The following ARHGEF33 variants were observed in gnomAD, a reference collection of about 807,000 sequenced individuals.
ARHGEF33 encodes the protein Rho guanine nucleotide exchange factor 33, also known as DH and coiled-coil domain-containing protein ENSP00000381780.
A neutral mutation model predicts 101.9 loss-of-function variants in ARHGEF33; 72 were observed. That is an observed-to-expected ratio of 0.71 (90% CI 0.58 to 0.86). The LOEUF (loss-of-function observed/expected upper bound fraction) is 0.86, where lower values mean the gene tolerates loss of function less well. Ranked by LOEUF, ARHGEF33 falls within the 40% of genes least tolerant of loss-of-function variation. ARHGEF33 has a pLI of 0.00. For missense variants in ARHGEF33, 1,169 were observed against 1,111.3 expected, an observed-to-expected ratio of 1.05 and a Z score of -0.74; for synonymous variants, 499 against 442.5, an observed-to-expected ratio of 1.13 and a Z score of -1.60.
rs1667171332 is a variant in ARHGEF33 at position 38,937,374 on chromosome 2, A to G, written c.605A>G (p.Lys202Arg). Residue 202 changes from lysine to arginine, a missense_variant, in exon 9 of 18, where the codon AAG (lysine) becomes AGG (arginine). Physicochemically the swap from Lys to Arg is conservative, Grantham distance 26. Transcript: ENST00000409978. ...PTTPEAEENL[K>R]SCLSADIQSK... ...ACTCCAGAAGCAGAAGAAAACCTCA[A>G]GTCTTGCCTCTCGGCTGATATCCAG... 4 of 1,368,990 alleles carry G rather than the reference A, an allele frequency of 2.9e-6. No homozygotes were observed. Among genetic ancestry groups the G allele is most frequent in the Non-Finnish European group, 3.9e-6 (4 of 1,035,854 alleles). The allele number at this position is 1,368,990 out of a possible 1,614,324, so 84.8% of individuals were successfully genotyped here. A position where few individuals can be genotyped will look rare whatever the true frequency, so the allele number is the denominator to read the frequency against.
intron 15 of ARHGEF33, 65 bp from the exon 16 acceptor site, chr2:38,959,776 A>C: frequency 5.6e-6 from 8 of 1,439,608 alleles, no homozygotes; most frequent in Non-Finnish European, 7.3e-6. Context: ...GGGCGCCGGC[A>C]GGCGAGAGGC....
chr2:38,897,194 G>A (rs1231845642), intron 2 of ARHGEF33, among the ~76,000 whole-genome samples: 3 of 152,154 alleles, frequency 2.0e-5, no homozygotes, highest in South Asian at 2.1e-4. Context: ...GATTACAGGC[G>A]TGAGCCACCA....
At chr2:38,972,569 G>A (rs576495833) in intron 17 of ARHGEF33, among the ~76,000 whole-genome samples, 14 of 152,306 alleles carry the variant, frequency 9.2e-5, no homozygotes, top group Non-Finnish European at 1.5e-4. Flanking sequence ...TACCTAGTCA[G>A]TCATCAGGTT....
At chr2:38,900,571 A>T (rs1488220103) in intron 2 of ARHGEF33, among the ~76,000 whole-genome samples, 3 of 152,180 alleles carry the variant, frequency 2.0e-5, no homozygotes, top group Non-Finnish European at 4.4e-5. Context: ...TCCAGTCACT[A>T]GCTGTTACAA....
At chr2:38,916,662 T>C (rs4670267) in intron 2 of ARHGEF33, among the ~76,000 whole-genome samples, 88,186 of 152,056 alleles carry the variant, frequency 0.58, 27,723 homozygotes, top group East Asian at 0.81. Context: ...TTTATAACCA[T>C]GTAGCTATTT....
At position 38,937,372 on chromosome 2, in the gene ARHGEF33, C is replaced by G; in HGVS notation, c.603C>G (p.Leu201=). 7.3e-7 allele frequency: 1 copy of G among 1,360,878 alleles called. No homozygotes were observed. Among genetic ancestry groups the G allele is most frequent in the Non-Finnish European group, 9.7e-7 (1 of 1,031,616 alleles). The allele number at this position is 1,360,878 out of a possible 1,614,324, so 84.3% of individuals were successfully genotyped here. The change falls in exon 9 of 18, where the codon CTC becomes CTG. Residue 201 remains leucine, a synonymous_variant. Coordinates refer to ENST00000409978, the MANE Select transcript of ARHGEF33 (RefSeq NM_001145451.5). Reference sequence around the variant, plus strand: ...CAACTCCAGAAGCAGAAGAAAACCTCAAGTCTTGCCTCTCGGCTGATATCC... The same window carrying G: ...CAACTCCAGAAGCAGAAGAAAACCTGAAGTCTTGCCTCTCGGCTGATATCC... ...NPTTPEAEEN[L]KSCLSADIQS... is the part of the protein sequence containing the mutation.
At chr2:38,963,279 C>T (rs1667986286) in intron 16 of ARHGEF33, among the ~76,000 whole-genome samples, 1 of 152,176 alleles carries the variant, frequency 6.6e-6, no homozygotes, top group African/African-American at 2.4e-5. Context: ...ATGTGCAAAA[C>T]TCCTAGTGTT....
chr2:38,904,730 A>G (rs1197529188), intron 2 of ARHGEF33, among the ~76,000 whole-genome samples: 1 of 151,670 alleles, frequency 6.6e-6, no homozygotes, highest in Non-Finnish European at 1.5e-5. Context: ...AAAGGAAAAG[A>G]AGAAAAAGAA....
intron 16 of ARHGEF33, among the ~76,000 whole-genome samples, chr2:38,965,509 C>A (rs1012540486): frequency 6.6e-6 from 1 of 152,184 alleles, no homozygotes; most frequent in African/African-American, 2.4e-5. Flanking sequence ...AAAATGCCTT[C>A]CCTCGATTAT....
At chr2:38,906,422 C>T (rs1032814030) in intron 2 of ARHGEF33, among the ~76,000 whole-genome samples, 1 of 152,146 alleles carries the variant, frequency 6.6e-6, no homozygotes, top group Non-Finnish European at 1.5e-5. Context: ...CCAGCATGTT[C>T]TGGTCTCCTT....
intron 2 of ARHGEF33, among the ~76,000 whole-genome samples, chr2:38,904,763 T>C (rs111517129): frequency 1.4e-4 from 22 of 151,738 alleles, no homozygotes; most frequent in African/African-American, 5.1e-4. Flanking sequence ...ATTGCAGTTT[T>C]TGAGCAGGAA....
In ARHGEF33 at chr2:38,973,866, C is replaced by A; in HGVS notation, c.*23C>A. 1.3e-6 allele frequency: 2 copies of A among 1,531,076 alleles called. No homozygotes were observed. Among genetic ancestry groups the A allele is most frequent in the South Asian group, 2.5e-5 (2 of 81,570 alleles). The allele number at this position is 1,531,076 out of a possible 1,614,324, so 94.8% of individuals were successfully genotyped here. On this transcript the variant is annotated 3_prime_UTR_variant, in exon 18 of 18. Coordinates refer to ENST00000409978, the MANE Select transcript of ARHGEF33 (RefSeq NM_001145451.5). ...TAAAACATACTTAAAGTTGTATTGT[C>A]AAGTGGTAAGATGAGGATAAAAAGC...
At chr2:38,960,843 G>C (rs1217809282) in intron 16 of ARHGEF33, among the ~76,000 whole-genome samples, 195 bp downstream of exon 16, 2 of 152,144 alleles carry the variant, frequency 1.3e-5, no homozygotes, top group Non-Finnish European at 2.9e-5. Flanking sequence ...TAGGCTGCTG[G>C]GCCCTGGAAG....
chr2:38,891,617 G>A (rs1666007652), intron 1 of ARHGEF33, among the ~76,000 whole-genome samples: 1 of 152,136 alleles, frequency 6.6e-6, no homozygotes, highest in African/African-American at 2.4e-5. Flanking sequence ...TTTAGGACTG[G>A]AGTATGATTT....
chr2:38,952,964 G>C (rs753817705), intron 11 of ARHGEF33, among the ~76,000 whole-genome samples, 198 bp from the exon 12 acceptor site: 18 of 152,254 alleles, frequency 1.2e-4, no homozygotes, highest in Non-Finnish European at 2.4e-4. Flanking sequence ...CTCCCAAAGT[G>C]CTAGGATTAC....
intron 17 of ARHGEF33, among the ~76,000 whole-genome samples, chr2:38,970,441 A>C (rs1668142712): frequency 1.3e-5 from 2 of 152,244 alleles, no homozygotes; most frequent in African/African-American, 2.4e-5. Context: ...GCTCATTTCA[A>C]GTCCCTCTCC....
intron 2 of ARHGEF33, among the ~76,000 whole-genome samples, chr2:38,896,396 C>T (rs1023563981): frequency 1.5e-4 from 23 of 152,144 alleles, no homozygotes; most frequent in Non-Finnish European, 8.8e-5. Flanking sequence ...CCTTGGCCTC[C>T]GAAAGTGCTG....
intron 16 of ARHGEF33, among the ~76,000 whole-genome samples, chr2:38,961,526 G>A (rs962289269): frequency 4.9e-4 from 75 of 152,302 alleles, no homozygotes; most frequent in Non-Finnish European, 8.7e-4. Flanking sequence ...TAACATGATA[G>A]TTCTGACCTG....
intron 3 of ARHGEF33, among the ~76,000 whole-genome samples, chr2:38,920,622 G>C (rs942688602): frequency 1.3e-5 from 2 of 151,790 alleles, no homozygotes; most frequent in African/African-American, 4.8e-5. Flanking sequence ...TGGCCAAGCT[G>C]GTCTTGAACT....
Sources: gnomAD v4.1 joint callset for allele counts (sites outside exome capture counted in the v4.1 genomes callset) on GRCh38, gnomAD v4.1.1 for gene constraint, MANE v1.5 for transcripts, NCBI Gene and HGNC (gene_info 2026-07-23, HGNC 2026-07-21) for gene names.